Variants in FOXO1 observed in about 807,000 individuals in gnomAD.
The protein encoded by FOXO1 is forkhead box O1, also known as forkhead box protein O1.
FOXO1 carries 6 observed loss-of-function variants against 44.1 expected under a neutral mutation model. That is an observed-to-expected ratio of 0.14 (90% CI 0.07 to 0.27). The LOEUF is 0.27. FOXO1 is among the 10% of genes least tolerant of loss of function. The probability of loss-of-function intolerance (pLI) is 1.00; values close to 1 mark genes in which losing one functional copy is unlikely to be tolerated. For missense variants in FOXO1, 737 were observed against 888.8 expected (o/e 0.83, Z 2.17); for synonymous variants, 380 against 362.7 (o/e 1.05, Z -0.54).
chr13:40,662,728 T>C (rs1878077877), intron 1 of FOXO1, among the ~76,000 whole-genome samples: 1 of 152,182 alleles, frequency 6.6e-6, no homozygotes, highest in Non-Finnish European at 1.5e-5. Flanking sequence ...AGAAACTATT[T>C]AATTAAAGAT....
In FOXO1 at chr13:40,560,364, T is replaced by A. The variant is rs373080897; in HGVS notation, c.1127A>T (p.Asp376Val). ...SNPENMENLL[D>V]NLNLLSSPTS... ...TGGTGATGAGAGAAGGTTGAGATTA[T>A]CCAAAAGATTTTCCATGTTTTCGGG... The change falls in exon 2 of 3, where the codon GAT becomes GTT. Residue 376 changes from aspartate to valine, a missense_variant. Physicochemically the swap from Asp to Val is radical, Grantham distance 152. Transcript: ENST00000379561. This position sits in a 1 kb window ranked among gnomAD's most constrained non-coding sequence, Gnocchi z 5.1. 2.5e-6 allele frequency: 4 copies of A among 1,613,994 alleles called. No individual in the cohort carries two copies. The African/African-American group carries it at 4.0e-5, about 16-fold the overall frequency.
At chr13:40,642,857 G>A (rs1193044357) in intron 1 of FOXO1, among the ~76,000 whole-genome samples, 4 of 152,134 alleles carry the variant, frequency 2.6e-5, no homozygotes, top group African/African-American at 7.2e-5. Flanking sequence ...AGGTGAAGCC[G>A]AGACTGTGCC....
chr13:40,618,888 A>AGG (rs1218977030), intron 1 of FOXO1: 1 of 526,338 alleles, frequency 1.9e-6, no homozygotes. Flanking sequence ...GGCTTATGAG[A>AGG]GGACCATAAT....
intron 1 of FOXO1, among the ~76,000 whole-genome samples, chr13:40,604,267 CTT>C (rs1178132241): frequency 1.3e-5 from 2 of 151,520 alleles, no homozygotes. Context: ...ACAAGTCAAT[CTT>C]TTGAAAAATC....
In FOXO1 at chr13:40,666,305, C is replaced by G; in HGVS notation, c.-93G>C. ...CGGGGAGGGGGCGCGAAGGGACGGT[C>G]CGAGATTTGGGGGAACGAAGCCGGT... On this transcript the variant is annotated 5_prime_UTR_variant, in exon 1 of 3. Coordinates refer to ENST00000379561, the MANE Select transcript of FOXO1 (RefSeq NM_002015.4). 1 of 1,101,094 alleles carries G rather than the reference C, an allele frequency of 9.1e-7. No homozygotes were observed. The highest frequency in any genetic ancestry group is 1.2e-6 in the Non-Finnish European group (1 of 844,416). 68.2% of individuals were successfully genotyped at this position (1,101,094 alleles called of 1,614,324 possible).
At chr13:40,580,347 T>C (rs1459266968) in intron 1 of FOXO1, among the ~76,000 whole-genome samples, 1 of 152,196 alleles carries the variant, frequency 6.6e-6, no homozygotes, top group East Asian at 1.9e-4. Flanking sequence ...ATATCTTTCC[T>C]TAAGCAGGAG....
rs1369752100 is a variant in FOXO1 at position 40,660,953 on chromosome 13, AC to A, written c.630+4629del. ...AGTGAGACCCTGGCTCAGAAAAACA[AC>A]AACAACAACAACAACAACAACAACA... On this transcript the variant is annotated intron_variant, in intron 1 of 2. Coordinates refer to ENST00000379561, the MANE Select transcript of FOXO1 (RefSeq NM_002015.4). Among the ~76,000 whole-genome samples the A allele has an allele frequency of 5.8e-5, 3 of 51,978 alleles. No individual in the cohort carries two copies. In the South Asian group the frequency reaches 2.8e-3, roughly 48 times the overall value. 34.1% of individuals were successfully genotyped at this position (51,978 alleles called of 152,430 possible).
At chr13:40,564,063 G>A (rs1434792685) in intron 1 of FOXO1, among the ~76,000 whole-genome samples, 1 of 152,124 alleles carries the variant, frequency 6.6e-6, no homozygotes, top group East Asian at 1.9e-4. Context: ...AATGATAAAG[G>A]GGGAAGAAAG....
chr13:40,603,455 T>C (rs1374534348), intron 1 of FOXO1, among the ~76,000 whole-genome samples: 1 of 152,024 alleles, frequency 6.6e-6, no homozygotes, highest in African/African-American at 2.4e-5. Context: ...TGTGTGTGTG[T>C]CTGTACATGT....
At chr13:40,585,562 T>C (rs1875133611) in intron 1 of FOXO1, among the ~76,000 whole-genome samples, 1 of 152,144 alleles carries the variant, frequency 6.6e-6, no homozygotes, top group African/African-American at 2.4e-5. Flanking sequence ...CACCTAAAAT[T>C]CCTTTACAGT....
chr13:40,584,573 G>C (rs1039671443), intron 1 of FOXO1, among the ~76,000 whole-genome samples: 1 of 149,962 alleles, frequency 6.7e-6, no homozygotes, highest in African/African-American at 2.4e-5. Flanking sequence ...ACCTGAGCCC[G>C]GGTAGGTTGA....
chr13:40,613,685 A>G (rs1876315749), intron 1 of FOXO1, among the ~76,000 whole-genome samples: 1 of 152,204 alleles, frequency 6.6e-6, no homozygotes, highest in Non-Finnish European at 1.5e-5. Context: ...CAGCATGTGC[A>G]TTTGAAACAG....
At chr13:40,613,100 T>C (rs1460878285) in intron 1 of FOXO1, among the ~76,000 whole-genome samples, 1 of 152,204 alleles carries the variant, frequency 6.6e-6, no homozygotes, top group South Asian at 2.1e-4. Flanking sequence ...TATTTGAACC[T>C]TGAAATCTGG....
At chr13:40,619,451 G>A in intron 1 of FOXO1, 3 of 1,223,916 alleles carry the variant, frequency 2.5e-6, no homozygotes, top group South Asian at 2.4e-5. Flanking sequence ...CAAAATTGGA[G>A]AGCTGTGAGT....
chr13:40,629,015 G>C (rs1876876493), intron 1 of FOXO1, among the ~76,000 whole-genome samples: 1 of 152,176 alleles, frequency 6.6e-6, no homozygotes, highest in Non-Finnish European at 1.5e-5. Context: ...TTATGTGCCA[G>C]CCCAAAGCCT....
chr13:40,662,922 T>A (rs2137946695), intron 1 of FOXO1, among the ~76,000 whole-genome samples: 1 of 152,370 alleles, frequency 6.6e-6, no homozygotes, highest in Non-Finnish European at 1.5e-5. Flanking sequence ...AGAGTGAAAC[T>A]TGGTTTTAAC....
At chr13:40,625,898 A>G (rs1334940010) in intron 1 of FOXO1, among the ~76,000 whole-genome samples, 1 of 152,210 alleles carries the variant, frequency 6.6e-6, no homozygotes, top group East Asian at 1.9e-4. Context: ...CTTAAATTCA[A>G]ACAAAAGAGT....
At chr13:40,627,852 A>G (rs992640987) in intron 1 of FOXO1, among the ~76,000 whole-genome samples, 3 of 151,734 alleles carry the variant, frequency 2.0e-5, no homozygotes, top group Non-Finnish European at 4.4e-5. Flanking sequence ...AAAAACAAAC[A>G]AACAACAGTA....
chr13:40,588,110 G>A (rs1875239935), intron 1 of FOXO1, among the ~76,000 whole-genome samples: 1 of 152,098 alleles, frequency 6.6e-6, no homozygotes, highest in East Asian at 1.9e-4. Context: ...CAGAACCTTG[G>A]GAGTTCAGGC....
Sources: gnomAD v4.1 joint callset for allele counts (sites outside exome capture counted in the v4.1 genomes callset) on GRCh38, gnomAD v4.1.1 for gene constraint, Gnocchi (gnomAD v3.1) non-coding constraint, MANE v1.5 for transcripts, NCBI Gene and HGNC (gene_info 2026-07-23, HGNC 2026-07-21) for gene names.